SEC23A: variants seen among roughly 807,000 people sequenced by gnomAD.
SEC23A encodes protein transport protein Sec23A.
Under a neutral mutation model 103.7 loss-of-function variants are expected in SEC23A, and 56 were observed. The ratio of observed to expected loss-of-function variants is 0.54; its 90% CI spans 0.44 to 0.67. SEC23A has a LOEUF of 0.67. Among genes scored for constraint, SEC23A ranks in the 30% least tolerant of loss-of-function variants. The pLI, the probability that SEC23A is intolerant of heterozygous loss-of-function variation, is 0.00. For missense variants in SEC23A, 784 were observed against 936.4 expected (o/e 0.84, Z 2.12); for synonymous variants, 281 against 293.0 (o/e 0.96, Z 0.42).
intron 19 of SEC23A, among the ~76,000 whole-genome samples, chr14:39,036,302 C>G (rs1448074089): frequency 1.9e-5 from 2 of 106,632 alleles, no homozygotes. Context: ...AGCCTGGCAA[C>G]AGAGCAAGAC....
intron 1 of SEC23A, among the ~76,000 whole-genome samples, chr14:39,097,472 A>G (rs1887926781): frequency 6.6e-6 from 1 of 152,228 alleles, no homozygotes. Context: ...TGATTCTAAA[A>G]TTTAAGTGAA....
At chr14:39,071,870 A>G (rs1023263635) in intron 9 of SEC23A, among the ~76,000 whole-genome samples, 4 of 152,132 alleles carry the variant, frequency 2.6e-5, no homozygotes, top group Admixed American at 6.6e-5. Flanking sequence ...TCAAAATAAA[A>G]AAGAAAGAAA....
intron 1 of SEC23A, among the ~76,000 whole-genome samples, chr14:39,096,498 C>A (rs1283731224): frequency 1.3e-5 from 2 of 151,564 alleles, no homozygotes; most frequent in Non-Finnish European, 2.9e-5. Context: ...CCGTTGCACT[C>A]CAGCCTGGGC....
At chr14:39,060,124 C>CAT in intron 13 of SEC23A, among the ~76,000 whole-genome samples, 1 of 151,934 alleles carries the variant, frequency 6.6e-6, no homozygotes, top group African/African-American at 2.4e-5. Flanking sequence ...TGTGCACACA[C>CAT]GTTGAGAGCC....
At chr14:39,080,590 G>C (rs1219594294) in intron 7 of SEC23A, among the ~76,000 whole-genome samples, 1 of 152,084 alleles carries the variant, frequency 6.6e-6, no homozygotes, top group Admixed American at 6.5e-5. Flanking sequence ...ATTTTTAGTA[G>C]AGATGAGATT....
At chr14:39,078,091 T>A (rs1356317057) in intron 7 of SEC23A, among the ~76,000 whole-genome samples, 2 of 150,728 alleles carry the variant, frequency 1.3e-5, no homozygotes, top group East Asian at 2.0e-4. Context: ...CTGAAAAAAA[T>A]AAATAAATAA....
intron 9 of SEC23A, among the ~76,000 whole-genome samples, chr14:39,069,175 T>C (rs1041355112): frequency 1.3e-5 from 2 of 152,194 alleles, no homozygotes; most frequent in Non-Finnish European, 2.9e-5. Flanking sequence ...TTTCCAAATA[T>C]ATCCAAAATC....
At chr14:39,102,737 G>A (rs917052223) in intron 1 of SEC23A, among the ~76,000 whole-genome samples, 2 of 152,180 alleles carry the variant, frequency 1.3e-5, no homozygotes, top group Non-Finnish European at 2.9e-5. Flanking sequence ...CTTGGGTGGA[G>A]GTGGGTGGCC....
rs1214963398 is a variant in SEC23A, at chr14:39,094,391, CACACACAT to C, written c.222-1155_222-1148del. Among the ~76,000 whole-genome samples the C allele has an allele frequency of 4.9e-3, 195 of 39,448 alleles. 36 individuals are homozygous for C. Among genetic ancestry groups the C allele is most frequent in the South Asian group, 9.4e-3 (10 of 1,068 alleles). 25.9% of individuals were successfully genotyped at this position (39,448 alleles called of 152,430 possible). ...ATATATATACACACACACACACACA[CACACACAT>C]ATATATATATATATATATATATATA... On this transcript the variant is annotated intron_variant, in intron 2 of 19. Coordinates refer to ENST00000307712, the MANE Select transcript of SEC23A (RefSeq NM_006364.4).
At chr14:39,102,598 TC>T (rs1888147098) in intron 1 of SEC23A, among the ~76,000 whole-genome samples, 3 of 152,232 alleles carry the variant, frequency 2.0e-5, no homozygotes, top group Admixed American at 2.0e-4. Flanking sequence ...CAAGCTCTTT[TC>T]CCCTTTAACC....
chr14:39,092,256 T>C (rs1417106607), intron 4 of SEC23A, among the ~76,000 whole-genome samples: 2 of 152,208 alleles, frequency 1.3e-5, no homozygotes, highest in East Asian at 1.9e-4. Flanking sequence ...GACTAAATAT[T>C]TGTTAACTGA....
intron 13 of SEC23A, among the ~76,000 whole-genome samples, chr14:39,058,392 C>A (rs1205483614): frequency 6.6e-6 from 1 of 152,082 alleles, no homozygotes; most frequent in Non-Finnish European, 1.5e-5. Flanking sequence ...ACTGCAAGCT[C>A]CGCTTCCCGG....
rs1245616407 is a variant in SEC23A at position 39,033,344 on chromosome 14, T to C, written c.2209-16A>G. ...CTCCAGACTCCTAGAGGAAAAAAGATATTTGTTATGATTAAAGCATAGGGT... is the reference window on the plus strand; with the variant it reads ...CTCCAGACTCCTAGAGGAAAAAAGACATTTGTTATGATTAAAGCATAGGGT... On this transcript the variant is annotated splice_polypyrimidine_tract_variant and intron_variant, in intron 19 of 19. Transcript: ENST00000307712. 2.7e-6 allele frequency: 4 copies of C among 1,487,350 alleles called. No individual in the cohort carries two copies. Among genetic ancestry groups the C allele is most frequent in the South Asian group, 2.3e-5 (2 of 88,480 alleles). 92.1% of individuals were successfully genotyped at this position (1,487,350 alleles called of 1,614,324 possible). A position where few individuals can be genotyped will look rare whatever the true frequency, so the allele number is the denominator to read the frequency against.
chr14:39,085,786 A>G lies in SEC23A; in HGVS notation c.804T>C (p.Leu268=), dbSNP rs549066823. The change falls in exon 7 of 20, where the codon CTT becomes CTC. Residue 268 remains leucine (L), a synonymous_variant. Coordinates refer to ENST00000307712, the MANE Select transcript of SEC23A (RefSeq NM_006364.4). The stretch of plus-strand genomic sequence containing the variant: ...CCTCCAGCAGTCCTACAGCTATGGA[A>G]AGTGCCACCCCAGAGGAACGCAAAG... ...KRPLRSSGVA[L]SIAVGLLECT... is the part of the protein sequence containing the mutation. 6.2e-7 allele frequency: 1 copy of G among 1,613,338 alleles called. No homozygotes were observed. The highest frequency in any genetic ancestry group is 1.3e-5 in the African/African-American group (1 of 74,768).
chr14:39,053,074 G>A (rs908202985), intron 14 of SEC23A, among the ~76,000 whole-genome samples: 1 of 152,196 alleles, frequency 6.6e-6, no homozygotes, highest in African/African-American at 2.4e-5. Flanking sequence ...GGCAGAGGTG[G>A]CAGTGAGCCA....
At chr14:39,043,540 T>A (rs75656318) in intron 16 of SEC23A, among the ~76,000 whole-genome samples, 1 of 152,112 alleles carries the variant, frequency 6.6e-6, no homozygotes, top group Non-Finnish European at 1.5e-5. Context: ...TCTGAACTGA[T>A]GACATAAATC....
At chr14:39,091,817 TA>T in intron 4 of SEC23A, 104 bp from the exon 5 acceptor site, 2 of 787,342 alleles carry the variant, frequency 2.5e-6, no homozygotes, top group Non-Finnish European at 4.4e-6. Context: ...AGAATCCTAG[TA>T]AAGCCATTTC....
Position 39,078,830 on chromosome 14 carries a change from T to C in SEC23A, c.829-2737A>G, listed in dbSNP as rs1054661050. On this transcript the variant is annotated intron_variant, in intron 7 of 19. Transcript: ENST00000307712. ...AAAGATATGAGGAAAAAAATAAATA[T>C]ATAAAGAGATATAGAGGTCCAGCAT... Among the ~76,000 whole-genome samples, 10 of 151,762 alleles carry C rather than the reference T, an allele frequency of 6.6e-5. No individual in the cohort carries two copies. In the South Asian group the frequency reaches 8.3e-4, roughly 13 times the overall value.
chr14:39,092,711 CATTTAATT>C, intron 3 of SEC23A, 84 bp from the exon 4 acceptor site: 1 of 760,668 alleles, frequency 1.3e-6, no homozygotes, highest in Non-Finnish European at 2.2e-6. Flanking sequence ...ATTTCCTGAT[CATTTAATT>C]ATTTTTAAAA....
Sources: allele counts gnomAD v4.1 joint callset (sites outside exome capture counted in the v4.1 genomes callset), GRCh38; gene constraint gnomAD v4.1.1; transcripts MANE v1.5; gene names NCBI Gene and HGNC (gene_info 2026-07-23, HGNC 2026-07-21).